NGF: variants seen among roughly 807,000 people sequenced by gnomAD.
The protein encoded by NGF is beta-nerve growth factor.
In NGF, 4 loss-of-function variants were observed where a neutral mutation model predicts 12.8. That is an observed-to-expected ratio of 0.31 (90% CI 0.15 to 0.72). The LOEUF is 0.72. Among genes scored for constraint, NGF ranks in the 30% least tolerant of loss-of-function variants. The pLI is 0.69. For synonymous variants in NGF, 140 were observed against 130.0 expected (o/e 1.08, Z -0.52); for missense variants, 283 against 330.8 (o/e 0.86, Z 1.12).
At chr1:115,318,019 A>C (rs1654516651) in intron 1 of NGF, among the ~76,000 whole-genome samples, 1 of 152,010 alleles carries the variant, frequency 6.6e-6, no homozygotes, top group Admixed American at 6.6e-5. Context: ...CCTGTTCCAA[A>C]GGCTGCCCCC....
At chr1:115,306,458 G>A (rs937632329) in intron 1 of NGF, among the ~76,000 whole-genome samples, 1 of 152,116 alleles carries the variant, frequency 6.6e-6, no homozygotes, top group African/African-American at 2.4e-5. Flanking sequence ...TCAGTGGTAT[G>A]TTGTTTGTTT....
intron 2 of NGF, among the ~76,000 whole-genome samples, chr1:115,287,837 T>A (rs1311230725): frequency 6.6e-6 from 1 of 152,206 alleles, no homozygotes; most frequent in Non-Finnish European, 1.5e-5. Context: ...TGCACTGCAG[T>A]TACCCCACAA....
intron 2 of NGF, among the ~76,000 whole-genome samples, chr1:115,288,268 T>C (rs1052809876): frequency 6.6e-6 from 1 of 152,188 alleles, no homozygotes; most frequent in Non-Finnish European, 1.5e-5. Context: ...GAACTCTGCA[T>C]TGGGTCTGGG....
At chr1:115,313,442 G>A (rs1212917626) in intron 1 of NGF, among the ~76,000 whole-genome samples, 1 of 152,168 alleles carries the variant, frequency 6.6e-6, no homozygotes, top group African/African-American at 2.4e-5. Flanking sequence ...TTGTTTTTAT[G>A]TAAATCTGCA....
chr1:115,332,278 C>A (rs1256768248), intron 1 of NGF, among the ~76,000 whole-genome samples: 1 of 152,172 alleles, frequency 6.6e-6, no homozygotes, highest in Non-Finnish European at 1.5e-5. Flanking sequence ...TACAGGAGAA[C>A]CTCCGTGAGT....
chr1:115,315,097 TG>T (rs1468569024), intron 1 of NGF, among the ~76,000 whole-genome samples: 3 of 152,180 alleles, frequency 2.0e-5, no homozygotes, highest in Non-Finnish European at 4.4e-5. Context: ...CCCCTGTGGC[TG>T]GGGCAGAGTT....
intron 1 of NGF, among the ~76,000 whole-genome samples, chr1:115,330,106 G>C (rs1250781743): frequency 6.6e-6 from 1 of 152,150 alleles, no homozygotes; most frequent in Non-Finnish European, 1.5e-5. Flanking sequence ...TTGATTAGAA[G>C]TGTCCTTGAA....
intron 1 of NGF, among the ~76,000 whole-genome samples, chr1:115,314,563 T>C (rs1466726397): frequency 6.6e-6 from 1 of 152,240 alleles, no homozygotes; most frequent in African/African-American, 2.4e-5. Flanking sequence ...AATGAGCACC[T>C]GTTCTGTGCA....
At chr1:115,338,027 C>G (rs893184675) in intron 1 of NGF, among the ~76,000 whole-genome samples, 177 bp downstream of exon 1, 1 of 152,184 alleles carries the variant, frequency 6.6e-6, no homozygotes, top group Non-Finnish European at 1.5e-5. Flanking sequence ...GGGTCCCGCG[C>G]CCCCACACCC....
At chr1:115,322,302 C>T (rs1272365898) in intron 1 of NGF, among the ~76,000 whole-genome samples, 2 of 152,084 alleles carry the variant, frequency 1.3e-5, no homozygotes, top group African/African-American at 4.8e-5. Context: ...ATGACCATCC[C>T]AGGAATGTAG....
chr1:115,333,716 T>G lies in NGF; in HGVS notation c.-137+4488A>C, dbSNP rs1367957348. 3.1e-5 allele frequency among the ~76,000 whole-genome samples: 4 copies of G among 127,680 alleles called. 1 individual carries two copies. Among genetic ancestry groups the G allele is most frequent in the African/African-American group, 6.5e-5 (2 of 30,708 alleles). The allele number at this position is 127,680 out of a possible 152,430, so 83.8% of individuals were successfully genotyped here. On this transcript the variant is annotated intron_variant, in intron 1 of 2. Transcript: ENST00000369512. ...TTCTTTCTTTCTTTCTTTCTTTCTT[T>G]TCTTTCTTTCCTTCTTTCTTTCTTT...
intron 2 of NGF, among the ~76,000 whole-genome samples, chr1:115,288,565 A>G (rs1557934703): frequency 6.6e-6 from 1 of 151,950 alleles, no homozygotes; most frequent in Non-Finnish European, 1.5e-5. Context: ...ACTGTGAGAT[A>G]CTCGAGGGTG....
At chr1:115,290,668 A>G (rs1653667509) in intron 2 of NGF, among the ~76,000 whole-genome samples, 1 of 152,134 alleles carries the variant, frequency 6.6e-6, no homozygotes, top group African/African-American at 2.4e-5. Context: ...TTGGGATTAT[A>G]GGCGTAAGCC....
chr1:115,330,308 A>G (rs753820909), intron 1 of NGF, among the ~76,000 whole-genome samples: 8 of 152,242 alleles, frequency 5.3e-5, no homozygotes, highest in Non-Finnish European at 1.0e-4. Flanking sequence ...ATAATCACTC[A>G]TCTCAGGCAC....
intron 1 of NGF, among the ~76,000 whole-genome samples, chr1:115,318,980 A>C (rs1654546137): frequency 6.6e-6 from 1 of 152,186 alleles, no homozygotes; most frequent in Non-Finnish European, 1.5e-5. Context: ...GAATGGCTTC[A>C]TGGGACTCCC....
At chr1:115,338,056 G>A (rs1037317829) in intron 1 of NGF, 148 bp downstream of exon 1, 5 of 152,356 alleles carry the variant, frequency 3.3e-5, no homozygotes, top group South Asian at 2.1e-4. Context: ...CATTTCTCAG[G>A]GCTGCTCTTC....
At chr1:115,310,243 C>CAG (rs1435525857) in intron 1 of NGF, among the ~76,000 whole-genome samples, 1 of 152,200 alleles carries the variant, frequency 6.6e-6, no homozygotes, top group Non-Finnish European at 1.5e-5. Context: ...AAAATGAAAA[C>CAG]AGTTGTATTG....
intron 1 of NGF, among the ~76,000 whole-genome samples, chr1:115,300,863 T>C (rs1654014725): frequency 6.6e-6 from 1 of 152,240 alleles, no homozygotes. Flanking sequence ...TAGTCCCACA[T>C]GGGCTCCTAT....
chr1:115,331,291 A>C (rs1380376230), intron 1 of NGF, among the ~76,000 whole-genome samples: 1 of 152,168 alleles, frequency 6.6e-6, no homozygotes, highest in Non-Finnish European at 1.5e-5. Flanking sequence ...GCTAATGAGA[A>C]GTGAACTTGG....
Sources: gnomAD v4.1 joint callset for allele counts (sites outside exome capture counted in the v4.1 genomes callset) on GRCh38, gnomAD v4.1.1 for gene constraint, MANE v1.5 for transcripts, NCBI Gene and HGNC (gene_info 2026-07-23, HGNC 2026-07-21) for gene names.